JAZF1: variants seen among roughly 807,000 people sequenced by gnomAD.
JAZF1 encodes the protein juxtaposed with another zinc finger protein 1.
Under a neutral mutation model 26.4 loss-of-function variants are expected in JAZF1, and 8 were observed. The observed-to-expected ratio is 0.30, with a 90% CI of 0.18 to 0.55. The LOEUF is 0.55. JAZF1 is among the 20% of genes least tolerant of loss of function. The probability of loss-of-function intolerance (pLI) is 0.94; values close to 1 mark genes in which losing one functional copy is unlikely to be tolerated. For missense variants in JAZF1, 199 were observed against 322.0 expected (o/e 0.62, Z 2.92); for synonymous variants, 126 against 122.3 (o/e 1.03, Z -0.20).
chr7:28,152,549 T>C (rs1783127016), intron 1 of JAZF1, among the ~76,000 whole-genome samples: 1 of 151,962 alleles, frequency 6.6e-6, no homozygotes, highest in South Asian at 2.1e-4. Flanking sequence ...GTTTTTTCTA[T>C]CTCCCATTGA....
intron 2 of JAZF1, among the ~76,000 whole-genome samples, chr7:27,945,142 T>TA (rs199596816): frequency 3.3e-5 from 5 of 151,704 alleles, no homozygotes; most frequent in Admixed American, 6.6e-5. Context: ...AATTTTTTTT[T>TA]AAAAAAATCT....
chr7:28,166,755 A>G (rs1284674540), intron 1 of JAZF1, among the ~76,000 whole-genome samples: 4 of 152,216 alleles, frequency 2.6e-5, no homozygotes, highest in Non-Finnish European at 4.4e-5. Flanking sequence ...TAAGGCTGCT[A>G]TATTTTCAAA....
At chr7:28,080,169 G>A (rs930806648) in intron 1 of JAZF1, among the ~76,000 whole-genome samples, 1 of 152,100 alleles carries the variant, frequency 6.6e-6, no homozygotes, top group East Asian at 1.9e-4. Context: ...TTCACCTTAC[G>A]GAGATGGCTT....
intron 2 of JAZF1, among the ~76,000 whole-genome samples, chr7:27,927,780 T>G (rs1292193674): frequency 6.6e-6 from 1 of 152,164 alleles, no homozygotes; most frequent in African/African-American, 2.4e-5. Context: ...GTAATGCTGT[T>G]TGGGTAAGGA....
At chr7:28,134,445 T>C (rs1208583268) in intron 1 of JAZF1, among the ~76,000 whole-genome samples, 1 of 149,998 alleles carries the variant, frequency 6.7e-6, no homozygotes, top group Non-Finnish European at 1.5e-5. Flanking sequence ...GGATTATAGG[T>C]ATGCACACCA....
chr7:27,939,639 A>G (rs1231251666), intron 2 of JAZF1, among the ~76,000 whole-genome samples: 1 of 151,768 alleles, frequency 6.6e-6, no homozygotes, highest in Non-Finnish European at 1.5e-5. Flanking sequence ...TAGGGAAGAA[A>G]TGGCTGTGGC....
At chr7:27,836,642 A>C (rs1453305047) in intron 4 of JAZF1, among the ~76,000 whole-genome samples, 1 of 152,088 alleles carries the variant, frequency 6.6e-6, no homozygotes, top group African/African-American at 2.4e-5. Flanking sequence ...CAAATTGGGG[A>C]TGGTAGTAGT....
At chr7:27,892,302 T>C (rs1277550372) in intron 3 of JAZF1, among the ~76,000 whole-genome samples, 2 of 152,220 alleles carry the variant, frequency 1.3e-5, no homozygotes, top group Admixed American at 6.5e-5. Context: ...AAATGATACA[T>C]CTTTACCACA....
chr7:28,142,914 G>C (rs1782978832), intron 1 of JAZF1, among the ~76,000 whole-genome samples: 2 of 152,188 alleles, frequency 1.3e-5, no homozygotes, highest in African/African-American at 4.8e-5. Context: ...CCTGCCTAGA[G>C]CTTCTTCTGT....
chr7:27,933,663 A>C (rs1433557568), intron 2 of JAZF1, among the ~76,000 whole-genome samples: 1 of 152,124 alleles, frequency 6.6e-6, no homozygotes, highest in African/African-American at 2.4e-5. Flanking sequence ...GATATACTGT[A>C]TTTTTGCACA....
chr7:27,892,856 T>G, intron 3 of JAZF1, among the ~76,000 whole-genome samples: 1 of 152,210 alleles, frequency 6.6e-6, no homozygotes, highest in South Asian at 2.1e-4. Flanking sequence ...ATGAAAGAAA[T>G]GAACATTTAT....
intron 3 of JAZF1, among the ~76,000 whole-genome samples, chr7:27,880,511 T>C (rs952977543): frequency 4.6e-5 from 7 of 151,748 alleles, no homozygotes; most frequent in Non-Finnish European, 8.8e-5. Flanking sequence ...CGGGTGCCTG[T>C]AATCCCAGCT....
intron 3 of JAZF1, among the ~76,000 whole-genome samples, chr7:27,856,980 C>T (rs1783270288): frequency 6.6e-6 from 1 of 152,276 alleles, no homozygotes; most frequent in African/African-American, 2.4e-5. Context: ...CTCAGGAGCC[C>T]AGCTGGCTTC....
intron 1 of JAZF1, among the ~76,000 whole-genome samples, chr7:28,078,642 T>A (rs1158847701): frequency 6.6e-6 from 1 of 152,208 alleles, no homozygotes; most frequent in Non-Finnish European, 1.5e-5. Context: ...CTACTTGGGT[T>A]TTTTTTGTAA....
intron 2 of JAZF1, among the ~76,000 whole-genome samples, chr7:27,932,562 G>T (rs1784702136): frequency 6.6e-6 from 1 of 152,152 alleles, no homozygotes; most frequent in Admixed American, 6.5e-5. Flanking sequence ...TAAAAAGAAA[G>T]ATTTTAAATG....
chr7:27,839,378 A>C (rs953870551), intron 4 of JAZF1, among the ~76,000 whole-genome samples: 2 of 152,186 alleles, frequency 1.3e-5, no homozygotes, highest in Non-Finnish European at 2.9e-5. Flanking sequence ...TATCTGTACA[A>C]ATCAAGAAAG....
At chr7:27,987,871 T>G (rs1785763854) in intron 2 of JAZF1, among the ~76,000 whole-genome samples, 1 of 152,264 alleles carries the variant, frequency 6.6e-6, no homozygotes, top group South Asian at 2.1e-4. Context: ...TGGGATGCTG[T>G]TAATCTATAA....
intron 4 of JAZF1, among the ~76,000 whole-genome samples, chr7:27,834,263 C>T (rs1037441661): frequency 3.9e-5 from 6 of 152,200 alleles, no homozygotes; most frequent in South Asian, 2.1e-4. Flanking sequence ...CCCAAGTTCA[C>T]GCCTCACTAG....
At position 27,895,272 on chromosome 7, in the gene JAZF1, G is replaced by A. The variant is rs751995298; in HGVS notation, c.333C>T (p.Pro111=). The part of the protein sequence containing the change: ...PRHSSGSLTP[P]VTPPITPSSS... ...AGGAGGGGGTGATGGGTGGGGTCACGGGGGGAGTAAGGCTTCCACTGCTGT... is the reference window on the plus strand; with the variant it reads ...AGGAGGGGGTGATGGGTGGGGTCACAGGGGGAGTAAGGCTTCCACTGCTGT... Residue 111 remains proline (P), a synonymous_variant, in exon 3 of 5, where the codon CCC becomes CCT. Coordinates refer to ENST00000283928, the MANE Select transcript of JAZF1 (RefSeq NM_175061.4). The A allele has an allele frequency of 2.0e-5, 32 of 1,607,690 alleles. No individual in the cohort carries two copies. The East Asian group carries it at 2.5e-4, about 12-fold the overall frequency.
Sources: allele counts gnomAD v4.1 joint callset (sites outside exome capture counted in the v4.1 genomes callset), GRCh38; gene constraint gnomAD v4.1.1; transcripts MANE v1.5; gene names NCBI Gene and HGNC (gene_info 2026-07-23, HGNC 2026-07-21).